Variants in CLDN2 observed in about 807,000 individuals in gnomAD.
The protein encoded by CLDN2 is claudin-2.
CLDN2 carries 1 observed loss-of-function variant against 8.2 expected under a neutral mutation model. The ratio of observed to expected loss-of-function variants is 0.12; its 90% confidence interval spans 0.04 to 0.58. The LOEUF (loss-of-function observed/expected upper bound fraction) is 0.58. Ranked by LOEUF, CLDN2 falls within the 20% of genes least tolerant of loss-of-function variation. The probability of loss-of-function intolerance (pLI) is 0.90; values close to 1 mark genes in which losing one functional copy is unlikely to be tolerated. For synonymous variants in CLDN2, 70 were observed against 70.2 expected (o/e 1.00, Z 0.01); for missense variants, 108 against 172.9 (o/e 0.62, Z 2.11).
upstream of CLDN2, among the ~76,000 whole-genome samples, chrX:106,913,571 AAACTT>A (rs1262103460): frequency 2.7e-5 from 3 of 112,472 alleles, no homozygotes; most frequent in Admixed American, 2.8e-4. Context: ...AAATTACCAC[AAACTT>A]AACAACTTAG....
intron 1 of CLDN2, among the ~76,000 whole-genome samples, chrX:106,911,597 G>A (rs781033329): frequency 8.9e-5 from 10 of 111,873 alleles, no homozygotes; most frequent in Non-Finnish European, 1.5e-4. Flanking sequence ...TCCAAGCCAC[G>A]CTAACATCTG....
chrX:106,919,030 C>T (rs1304919382), upstream of CLDN2, among the ~76,000 whole-genome samples: 1 of 112,182 alleles, frequency 8.9e-6, no homozygotes, highest in African/African-American at 3.2e-5. Context: ...ATGAAAATAA[C>T]AAAACGTCTA....
intron 1 of CLDN2, among the ~76,000 whole-genome samples, chrX:106,912,305 A>G (rs993071159): frequency 2.7e-5 from 3 of 110,538 alleles, no homozygotes; most frequent in African/African-American, 9.9e-5. Context: ...GGAAGTATAT[A>G]TGGATATATA....
Position 106,928,466 on chromosome X carries a change from G to T in CLDN2, c.238G>T (p.Ala80Ser). Residue 80 changes from alanine (A) to serine (S), a missense_variant, in exon 2 of 2, where the codon GCC becomes TCC. By Grantham distance (99) the Ala-to-Ser change is moderately conservative (BLOSUM62 1). Around this residue, in one of 2 missense-constraint regions of CLDN2, gnomAD observed 27 missense variants for 72.2 expected, o/e 0.37. Coordinates refer to ENST00000336803, the MANE Select transcript of CLDN2 (RefSeq NM_020384.4). ...GGGCCTGCCCGCTGACATCCAGGCT[G>T]CCCAGGCCATGATGGTGACATCCAG... ...LLGLPADIQAAQAMMVTSSAI... is the reference protein window; with the variant it reads ...LLGLPADIQASQAMMVTSSAI... The T allele has an allele frequency of 1.7e-6, 2 of 1,211,843 alleles. No homozygotes were observed. Among genetic ancestry groups the T allele is most frequent in the African/African-American group, 3.5e-5 (2 of 57,816 alleles).
rs1451841557 is a variant in CLDN2 at position 106,930,782 on chromosome X, T to G, written c.*1861T>G. On this transcript the variant is annotated 3_prime_UTR_variant, in exon 2 of 2. Transcript: ENST00000336803. ...CCTTCGGTGGGTGGGGGCCATATCC[T>G]AGACCTCTCTGTATCCCCCAGACTA... 1 of 123,296 alleles carries G rather than the reference T, an allele frequency of 8.1e-6. No individual in the cohort carries two copies. Among genetic ancestry groups the G allele is most frequent in the Non-Finnish European group, 1.9e-5 (1 of 53,276 alleles). 10.2% of individuals were successfully genotyped at this position (123,296 alleles called of 1,213,427 possible).
Position 106,929,272 on chromosome X carries a change from A to C in CLDN2, c.*351A>C. The C allele has an allele frequency of 1.3e-5, 3 of 236,437 alleles. No homozygotes were observed. The highest frequency in any genetic ancestry group is 2.4e-5 in the Non-Finnish European group (3 of 125,565). The allele number at this position is 236,437 out of a possible 1,213,427, so 19.5% of individuals were successfully genotyped here. Reference sequence around the variant, plus strand: ...TGGGACTCCATCCCCAAACCCACTAATCACATCCCACTGACTGACCCTCTG... The same window carrying C: ...TGGGACTCCATCCCCAAACCCACTACTCACATCCCACTGACTGACCCTCTG... On this transcript the variant is annotated 3_prime_UTR_variant, in exon 2 of 2. Transcript: ENST00000336803.
chrX:106,923,382 T>C (rs1933421244), intron 1 of CLDN2, among the ~76,000 whole-genome samples: 3 of 112,109 alleles, frequency 2.7e-5, no homozygotes, highest in African/African-American at 6.5e-5. Context: ...TATTGCAGGA[T>C]TGGGGCAGAA....
At chrX:106,902,328 C>A in intron 1 of CLDN2, 1 of 581,459 alleles carries the variant, frequency 1.7e-6, no homozygotes, top group Non-Finnish European at 2.8e-6. Context: ...CTCCAGGAAG[C>A]CTTTCCTAAG....
At chrX:106,926,623 G>A (rs1933468972) in intron 1 of CLDN2, among the ~76,000 whole-genome samples, 1 of 110,457 alleles carries the variant, frequency 9.1e-6, no homozygotes, top group Non-Finnish European at 1.9e-5. Flanking sequence ...AGCACTTTGG[G>A]AGGCTGAGGC....
At chrX:106,921,772 C>T (rs891919698) in intron 1 of CLDN2, among the ~76,000 whole-genome samples, 2 of 112,216 alleles carry the variant, frequency 1.8e-5, no homozygotes, top group African/African-American at 6.5e-5. Flanking sequence ...AAGTAAGGAT[C>T]CTAAGTTAAA....
chrX:106,900,516 T>C (rs1933074145), intron 1 of CLDN2: 1 of 423,310 alleles, frequency 2.4e-6, no homozygotes, highest in African/African-American at 2.5e-5. Flanking sequence ...TAAGCCAGGG[T>C]GAGCTGGGCA....
chrX:106,904,740 G>A (rs1052978637), intron 1 of CLDN2, among the ~76,000 whole-genome samples: 1 of 112,015 alleles, frequency 8.9e-6, no homozygotes, highest in African/African-American at 3.3e-5. Flanking sequence ...TAAATCATTG[G>A]GCAGTTACAC....
At chrX:106,919,642 T>C (rs188213876), upstream of CLDN2, among the ~76,000 whole-genome samples, 3 of 111,105 alleles carry the variant, frequency 2.7e-5, no homozygotes, top group South Asian at 1.2e-3. Flanking sequence ...CACCACCACA[T>C]CCAGCTAATT....
upstream of CLDN2, among the ~76,000 whole-genome samples, chrX:106,913,460 C>A (rs1280519941): frequency 8.9e-6 from 1 of 112,300 alleles, no homozygotes; most frequent in Non-Finnish European, 1.9e-5. Flanking sequence ...TCAGATTCAA[C>A]ATTGCAAAGA....
At chrX:106,925,098 A>T (rs570519387) in intron 1 of CLDN2, among the ~76,000 whole-genome samples, 2 of 111,618 alleles carry the variant, frequency 1.8e-5, no homozygotes, top group African/African-American at 6.5e-5. Context: ...ATTGCAACAT[A>T]ATGCAAAATG....
At chrX:106,903,402 G>A (rs992892837) in intron 1 of CLDN2, 14 of 804,195 alleles carry the variant, frequency 1.7e-5, no homozygotes, top group Non-Finnish European at 2.4e-5. Flanking sequence ...ATTATTCAGG[G>A]AGGACAGGGG....
Position 106,928,122 on chromosome X carries a change from TG to T in CLDN2, c.-105del. ...CTTGTAAGGAGGAGAGAAGTCAGCC[TG>T]GCAGAGAGACTCTGAAATGAGGGAT... On this transcript the variant is annotated 5_prime_UTR_variant, in exon 2 of 2. An upstream open reading frame in the 5' UTR loses its in-frame stop. Coordinates refer to ENST00000336803, the MANE Select transcript of CLDN2 (RefSeq NM_020384.4). 1 of 597,434 alleles carries T rather than the reference TG, an allele frequency of 1.7e-6. No individual in the cohort carries two copies. The highest frequency in any genetic ancestry group is 2.6e-6 in the Non-Finnish European group (1 of 386,242). The allele number at this position is 597,434 out of a possible 1,213,427, so 49.2% of individuals were successfully genotyped here. A position where few individuals can be genotyped will look rare whatever the true frequency, so the allele number is the denominator to read the frequency against.
intron 1 of CLDN2, among the ~76,000 whole-genome samples, chrX:106,911,432 C>G (rs1933246372): frequency 9.0e-6 from 1 of 111,304 alleles, no homozygotes; most frequent in African/African-American, 3.3e-5. Context: ...TGCTCTCCCC[C>G]TTACTTCCAG....
chrX:106,910,425 G>A (rs1933234419), intron 1 of CLDN2, among the ~76,000 whole-genome samples: 1 of 110,902 alleles, frequency 9.0e-6, no homozygotes, highest in South Asian at 3.9e-4. Flanking sequence ...AGCAGAGACT[G>A]GGCGCAGTGG....
Sources: gnomAD v4.1 joint callset for allele counts (sites outside exome capture counted in the v4.1 genomes callset) on GRCh38, gnomAD v4.1.1 for gene constraint, gnomAD v4.1.1 regional missense constraint, MANE v1.5 for transcripts, NCBI Gene and HGNC (gene_info 2026-07-23, HGNC 2026-07-21) for gene names.